Variants in SH3TC2 observed in about 807,000 individuals in gnomAD.
SH3TC2 encodes the protein SH3 domain and tetratricopeptide repeats 2, also known as SH3 domain and tetratricopeptide repeat-containing protein 2.
In SH3TC2, 87 loss-of-function variants were observed where a neutral mutation model predicts 124.5. The ratio of observed to expected loss-of-function variants is 0.70; its 90% CI spans 0.59 to 0.84. The LOEUF (loss-of-function observed/expected upper bound fraction) is 0.84, where lower values mean the gene tolerates loss of function less well. Ranked by LOEUF, SH3TC2 falls within the 40% of genes least tolerant of loss-of-function variation. SH3TC2 has a pLI of 0.00. For missense variants in SH3TC2, 1,536 were observed against 1,566.4 expected (o/e 0.98, Z 0.33); for synonymous variants, 634 against 628.5 (o/e 1.01, Z -0.13).
chr5:149,059,542 A>T (rs1199999888), intron 1 of SH3TC2, among the ~76,000 whole-genome samples: 1 of 151,602 alleles, frequency 6.6e-6, no homozygotes, highest in East Asian at 1.9e-4. Flanking sequence ...TACCATCAGC[A>T]GTTTTTATGA....
At chr5:149,057,782 T>C (rs1365763950) in intron 1 of SH3TC2, 1 of 152,208 alleles carries the variant, frequency 6.6e-6, no homozygotes, top group African/African-American at 2.4e-5. Context: ...GGCTTCTTCA[T>C]TAGCCATGTG....
chr5:149,026,339 A>G, intron 12 of SH3TC2: 1 of 586,210 alleles, frequency 1.7e-6, no homozygotes, highest in Non-Finnish European at 3.0e-6. Flanking sequence ...AGATGCCATT[A>G]TTATCTTCCT....
chr5:149,060,344 A>G (rs1754724965), intron 1 of SH3TC2, among the ~76,000 whole-genome samples: 1 of 152,188 alleles, frequency 6.6e-6, no homozygotes, highest in Non-Finnish European at 1.5e-5. Flanking sequence ...ATAGCAACTG[A>G]TCAGAACCTA....
At chr5:149,047,230 A>C (rs1754479007) in intron 3 of SH3TC2, 1 of 153,122 alleles carries the variant, frequency 6.5e-6, no homozygotes, top group African/African-American at 2.4e-5. Flanking sequence ...TATTTACTTT[A>C]TTGTTTTTTT....
chr5:149,042,700 G>T lies in SH3TC2; in HGVS notation c.523C>A (p.Gln175Lys). ...ACCCCTATGCCACACTCACCTTCCT[G>T]TATCAGGAGTCCCAGGTATATTGTT... ...LETIYLGLLI[Q>K]EGHFFCRALC... Residue 175 changes from glutamine to lysine, a missense_variant, in exon 5 of 17, where the codon CAG becomes AAG. Transcript: ENST00000515425. 1 of 1,614,066 alleles carries T rather than the reference G, an allele frequency of 6.2e-7. No homozygotes were observed. The highest frequency in any genetic ancestry group is 8.5e-7 in the Non-Finnish European group (1 of 1,179,992).
At chr5:149,045,987 C>A in intron 3 of SH3TC2, 1 of 425,212 alleles carries the variant, frequency 2.4e-6, no homozygotes, top group Non-Finnish European at 4.7e-6. Context: ...GTCTGAATCA[C>A]TGCCCAGACT....
intron 16 of SH3TC2, 90 bp from the exon 17 acceptor site, chr5:149,004,992 T>TTTTGTTTG (rs71274358): frequency 1.1e-5 from 16 of 1,407,184 alleles, no homozygotes; most frequent in Non-Finnish European, 1.3e-5. Flanking sequence ...CTCTAGTTTT[T>TTTTGTTTG]TTTGTTTGTT....
chr5:149,010,292 T>G lies in SH3TC2; in HGVS notation c.3305A>C (p.His1102Pro). 6.2e-7 allele frequency: 1 copy of G among 1,614,256 alleles called. No individual in the cohort carries two copies. Among genetic ancestry groups the G allele is most frequent in the Non-Finnish European group, 8.5e-7 (1 of 1,180,050 alleles). Residue 1102 changes from histidine to proline, a missense_variant, in exon 14 of 17, where the codon CAT becomes CCT. Physicochemically the swap from His to Pro is moderately conservative, Grantham distance 77. This residue lies in a region of SH3TC2 where 426 missense variants were observed against 443.5 expected (regional missense o/e 0.96). Coordinates refer to ENST00000515425, the MANE Select transcript of SH3TC2 (RefSeq NM_024577.4). ...TACTCGGTAGTACTCCACTGCATGATGCCTGTGGCGGGTCCCATTGAAGAA... is the reference window on the plus strand; with the variant it reads ...TACTCGGTAGTACTCCACTGCATGAGGCCTGTGGCGGGTCCCATTGAAGAA... Reference protein sequence around the residue: ...DVFFNGTRHRHHAVEYYRAGA... With the variant: ...DVFFNGTRHRPHAVEYYRAGA...
At chr5:149,052,071 A>T (rs752268360) in intron 2 of SH3TC2, 71 bp downstream of exon 2, 53 of 1,078,246 alleles carry the variant, frequency 4.9e-5, no homozygotes, top group Admixed American at 1.0e-4. Flanking sequence ...GGCTCTTTAG[A>T]TGGGAAAGAT....
Position 148,999,992 on chromosome 5 carries a change from G to C in SH3TC2, c.*4719C>G, listed in dbSNP as rs6885467. Among the ~76,000 whole-genome samples the C allele has an allele frequency of 0.17, 25,541 of 151,984 alleles. 2,488 individuals are homozygous for C. The highest frequency in any genetic ancestry group is 0.24 in the East Asian group (1,256 of 5,160). ...ATGCACTGTCTGTCAATACCAACCTGCTGGTCTGCAGTTAGAATTAAGTAA... is the reference window on the plus strand; with the variant it reads ...ATGCACTGTCTGTCAATACCAACCTCCTGGTCTGCAGTTAGAATTAAGTAA... On this transcript the variant is annotated 3_prime_UTR_variant, in exon 17 of 17. Coordinates refer to ENST00000515425, the MANE Select transcript of SH3TC2 (RefSeq NM_024577.4).
At position 149,008,730 on chromosome 5, in the gene SH3TC2, T is replaced by G. The variant is rs1285900817; in HGVS notation, c.3478+121A>C. 5.0e-6 allele frequency: 7 copies of G among 1,391,772 alleles called. No homozygotes were observed. In the East Asian group the frequency reaches 1.4e-4, roughly 27 times the overall value. The allele number at this position is 1,391,772 out of a possible 1,614,324, so 86.2% of individuals were successfully genotyped here. A position where few individuals can be genotyped will look rare whatever the true frequency, so the allele number is the denominator to read the frequency against. On this transcript the variant is annotated intron_variant, in intron 15 of 16. Coordinates refer to ENST00000515425, the MANE Select transcript of SH3TC2 (RefSeq NM_024577.4). ...TGCTTAACTAAGGTCTCTCTGACAGTTGGACCTGGGATTTGAACCCACACA... is the reference window on the plus strand; with the variant it reads ...TGCTTAACTAAGGTCTCTCTGACAGGTGGACCTGGGATTTGAACCCACACA...
chr5:148,998,607 G>T lies in SH3TC2; in HGVS notation c.*6104C>A. 6.6e-6 allele frequency among the ~76,000 whole-genome samples: 1 copy of T among 152,300 alleles called. No individual in the cohort carries two copies. The highest frequency in any genetic ancestry group is 1.5e-5 in the Non-Finnish European group (1 of 68,008). On this transcript the variant is annotated 3_prime_UTR_variant, in exon 17 of 17. Coordinates refer to ENST00000515425, the MANE Select transcript of SH3TC2 (RefSeq NM_024577.4). ...AGCATCCTTCCCTCTCACCTGCCTC[G>T]CAGTCTGTACTGGGAAGCCAAGCCA...
Position 149,012,579 on chromosome 5 carries a change from C to T in SH3TC2, c.3204+5G>A, listed in dbSNP as rs1753801589. The T allele has an allele frequency of 6.2e-7, 1 of 1,614,102 alleles. No individual in the cohort carries two copies. Among genetic ancestry groups the T allele is most frequent in the Non-Finnish European group, 8.5e-7 (1 of 1,179,996 alleles). On this transcript the variant is annotated splice_donor_5th_base_variant and intron_variant, in intron 13 of 16. Coordinates refer to ENST00000515425, the MANE Select transcript of SH3TC2 (RefSeq NM_024577.4). The stretch of plus-strand genomic sequence containing the variant: ...AACTCCCAGAGAGCTCTGCAGGAGG[C>T]CTACCTGCAGGCACAGCTCCACCAG...
chr5:149,062,770 T>C (rs926110352), intron 1 of SH3TC2, among the ~76,000 whole-genome samples: 1 of 152,074 alleles, frequency 6.6e-6, no homozygotes, highest in African/African-American at 2.4e-5. Flanking sequence ...CAGGAAAAAA[T>C]AGATGCTTCC....
intron 14 of SH3TC2, 43 bp from the exon 15 acceptor site, chr5:149,009,044 C>T (rs1183764806): frequency 6.2e-7 from 1 of 1,613,316 alleles, no homozygotes; most frequent in Admixed American, 1.7e-5. Context: ...GCTAGGAATC[C>T]TCAGTGCATA....
At chr5:149,057,328 G>A (rs1436162605) in intron 1 of SH3TC2, among the ~76,000 whole-genome samples, 4 of 151,926 alleles carry the variant, frequency 2.6e-5, no homozygotes, top group African/African-American at 4.8e-5. Flanking sequence ...ATTTCCATAC[G>A]CTTTTTTTAT....
At position 148,984,227 on chromosome 5, in the gene SH3TC2, T is replaced by A. The variant is rs114939869; in HGVS notation, c.*20484A>T. 2.9e-3 allele frequency among the ~76,000 whole-genome samples: 438 copies of A among 152,244 alleles called. 4 individuals carry two copies. Among genetic ancestry groups the A allele is most frequent in the African/African-American group, 0.01 (421 of 41,572 alleles). On this transcript the variant is annotated 3_prime_UTR_variant, in exon 17 of 17. Transcript: ENST00000515425. ...CCCATAGACTTCTTTTATTCTTTTT[T>A]CTTTTTGTTCCTTCGACTGGATAAT...
At chr5:149,017,620 T>C (rs531966969) in intron 12 of SH3TC2, among the ~76,000 whole-genome samples, 8 of 152,196 alleles carry the variant, frequency 5.3e-5, no homozygotes, top group East Asian at 3.9e-4. Flanking sequence ...AGATCATAAA[T>C]TGAGAAGTCA....
At chr5:149,054,163 T>C (rs2127403940) in intron 1 of SH3TC2, among the ~76,000 whole-genome samples, 1 of 152,272 alleles carries the variant, frequency 6.6e-6, no homozygotes, top group East Asian at 1.9e-4. Context: ...TCCATAAATA[T>C]ATACACCTAA....
Sources: allele counts gnomAD v4.1 joint callset (sites outside exome capture counted in the v4.1 genomes callset), GRCh38; gene constraint gnomAD v4.1.1; regional missense constraint gnomAD v4.1.1; transcripts MANE v1.5; gene names NCBI Gene and HGNC (gene_info 2026-07-23, HGNC 2026-07-21).